AFF4: variants seen among roughly 807,000 people sequenced by gnomAD.
The protein encoded by AFF4 is AF4/FMR2 family member 4.
In AFF4, 13 loss-of-function variants were observed where a neutral mutation model predicts 124.8. The observed-to-expected ratio is 0.10, with a 90% CI of 0.07 to 0.17. The LOEUF (loss-of-function observed/expected upper bound fraction) is 0.17, where lower values mean the gene tolerates loss of function less well. AFF4 is among the 10% of genes least tolerant of loss of function. The probability of loss-of-function intolerance (pLI) is 1.00; values close to 1 mark genes in which losing one functional copy is unlikely to be tolerated. For synonymous variants in AFF4, 477 were observed against 496.1 expected (o/e 0.96, Z 0.51); for missense variants, 1,092 against 1,403.8 (o/e 0.78, Z 3.55).
At chr5:132,916,336 G>A (rs1330774070) in intron 5 of AFF4, among the ~76,000 whole-genome samples, 1 of 151,614 alleles carries the variant, frequency 6.6e-6, no homozygotes, top group Non-Finnish European at 1.5e-5. Flanking sequence ...GCTTAGACAG[G>A]AGGATTGCTT....
At chr5:132,960,750 A>G (rs1239995386) in intron 1 of AFF4, among the ~76,000 whole-genome samples, 1 of 152,194 alleles carries the variant, frequency 6.6e-6, no homozygotes. Flanking sequence ...TTCAAATTCA[A>G]TCTAGTAATT....
chr5:132,933,597 T>C (rs1761351116), intron 3 of AFF4, among the ~76,000 whole-genome samples: 1 of 152,222 alleles, frequency 6.6e-6, no homozygotes, highest in East Asian at 1.9e-4. Context: ...CAAAATGCTT[T>C]GGTAAGCAAT....
At chr5:132,958,819 T>G (rs1177594873) in intron 1 of AFF4, among the ~76,000 whole-genome samples, 1 of 152,100 alleles carries the variant, frequency 6.6e-6, no homozygotes, top group East Asian at 1.9e-4. Context: ...GGAGAGCTAT[T>G]AGGCCCAAAG....
chr5:132,893,443 G>A (rs950368007), intron 11 of AFF4, among the ~76,000 whole-genome samples: 2 of 152,118 alleles, frequency 1.3e-5, no homozygotes, highest in Admixed American at 1.3e-4. Context: ...CTTTAGAAGT[G>A]CACAATTCCA....
rs558743454 is a variant in AFF4 at position 132,949,082 on chromosome 5, G to A, written c.-4-11889C>T. Among the ~76,000 whole-genome samples, 21 of 152,000 alleles carry A rather than the reference G, an allele frequency of 1.4e-4. No individual in the cohort carries two copies. In the South Asian group the frequency reaches 3.3e-3, roughly 24 times the overall value. On this transcript the variant is annotated intron_variant, in intron 1 of 20. Transcript: ENST00000265343. ...TTATCAAAACATGGGACTCAGTGAC[G>A]GGTCTAAAAACTGCTACTAGACAAA...
intron 5 of AFF4, among the ~76,000 whole-genome samples, chr5:132,923,805 T>TA (rs1468293441): frequency 6.6e-6 from 1 of 152,248 alleles, no homozygotes; most frequent in Admixed American, 6.5e-5. Context: ...TTCTACTTTT[T>TA]ACTATGTGAC....
chr5:132,960,029 A>T (rs1762048620), intron 1 of AFF4, among the ~76,000 whole-genome samples: 1 of 152,138 alleles, frequency 6.6e-6, no homozygotes, highest in Admixed American at 6.6e-5. Flanking sequence ...TGCTGGGATT[A>T]CAGGCATAAG....
intron 9 of AFF4, 95 bp from the exon 10 acceptor site, chr5:132,898,487 TGTC>T: frequency 7.5e-7 from 1 of 1,329,850 alleles, no homozygotes. Flanking sequence ...TTTTTCTTCT[TGTC>T]TTTTTTTTTT....
chr5:132,951,758 C>T (rs1276268471), intron 1 of AFF4, among the ~76,000 whole-genome samples: 2 of 152,178 alleles, frequency 1.3e-5, no homozygotes, highest in Admixed American at 6.5e-5. Context: ...AAACTCCTGA[C>T]CTCAAGTGAT....
chr5:132,960,174 C>T (rs1370331768), intron 1 of AFF4, among the ~76,000 whole-genome samples: 2 of 152,104 alleles, frequency 1.3e-5, no homozygotes, highest in African/African-American at 4.8e-5. Context: ...CTAACACCCT[C>T]CCAGAAATCA....
chr5:132,918,247 GC>G (rs780633967), intron 5 of AFF4, among the ~76,000 whole-genome samples: 175 of 151,558 alleles, frequency 1.2e-3, no homozygotes, highest in Non-Finnish European at 2.0e-3. Context: ...ATAAAGATTA[GC>G]TGGGTGTGGT....
rs1762129531 is a variant in AFF4 at position 132,963,502 on chromosome 5, G to A, written c.-248C>T. 5.0e-6 allele frequency: 2 copies of A among 397,944 alleles called. No individual in the cohort carries two copies. Among genetic ancestry groups the A allele is most frequent in the African/African-American group, 4.1e-5 (2 of 48,688 alleles). The allele number at this position is 397,944 out of a possible 1,614,324, so 24.7% of individuals were successfully genotyped here. On this transcript the variant is annotated 5_prime_UTR_variant, in exon 1 of 21. Coordinates refer to ENST00000265343, the MANE Select transcript of AFF4 (RefSeq NM_014423.4). ...CGTAGGCCCCGCACCGCTCCATGACGGTCGGGCCCGGGCTGGGACAGCTGA... is the reference window on the plus strand; with the variant it reads ...CGTAGGCCCCGCACCGCTCCATGACAGTCGGGCCCGGGCTGGGACAGCTGA...
intron 5 of AFF4, among the ~76,000 whole-genome samples, chr5:132,914,911 C>T (rs915640213): frequency 1.3e-5 from 2 of 152,044 alleles, no homozygotes; most frequent in African/African-American, 4.8e-5. Context: ...ATATAAACAA[C>T]GAAAGATCAT....
At position 132,963,512 on chromosome 5, in the gene AFF4, G is replaced by A. The variant is rs956858133; in HGVS notation, c.-258C>T. On this transcript the variant is annotated 5_prime_UTR_variant, in exon 1 of 21. Transcript: ENST00000265343. ...GCACCGCTCCATGACGGTCGGGCCC[G>A]GGCTGGGACAGCTGACTGAGGCGGC... 2 of 397,848 alleles carry A rather than the reference G, an allele frequency of 5.0e-6. No individual in the cohort carries two copies. Among genetic ancestry groups the A allele is most frequent in the Admixed American group, 4.4e-5 (1 of 22,662 alleles). The allele number at this position is 397,848 out of a possible 1,614,324, so 24.6% of individuals were successfully genotyped here.
At chr5:132,915,300 C>T (rs1760884062) in intron 5 of AFF4, among the ~76,000 whole-genome samples, 4 of 151,954 alleles carry the variant, frequency 2.6e-5, no homozygotes, top group Admixed American at 2.6e-4. Context: ...GAGATCACAC[C>T]ACTGCACTCC....
chr5:132,940,672 T>C (rs1761546677), intron 1 of AFF4, among the ~76,000 whole-genome samples: 1 of 152,136 alleles, frequency 6.6e-6, no homozygotes, highest in Non-Finnish European at 1.5e-5. Context: ...TTTTAAACAA[T>C]CAAAGTCACA....
At chr5:132,961,760 A>G (rs1218890823) in intron 1 of AFF4, among the ~76,000 whole-genome samples, 1 of 152,158 alleles carries the variant, frequency 6.6e-6, no homozygotes, top group Non-Finnish European at 1.5e-5. Flanking sequence ...TTGAAGCAAA[A>G]TTTTATTTAA....
At chr5:132,907,395 G>C (rs1418778351) in intron 5 of AFF4, among the ~76,000 whole-genome samples, 2 of 152,108 alleles carry the variant, frequency 1.3e-5, no homozygotes, top group Non-Finnish European at 2.9e-5. Flanking sequence ...ACTTACTCAT[G>C]TATCAAAGTA....
chr5:132,916,610 C>T (rs1356732792), intron 5 of AFF4, among the ~76,000 whole-genome samples: 1 of 152,114 alleles, frequency 6.6e-6, no homozygotes, highest in South Asian at 2.1e-4. Context: ...GGTCTCAACT[C>T]CTTGGGAAGA....
Sources: gnomAD v4.1 joint callset for allele counts (sites outside exome capture counted in the v4.1 genomes callset) on GRCh38, gnomAD v4.1.1 for gene constraint, MANE v1.5 for transcripts, NCBI Gene and HGNC (gene_info 2026-07-23, HGNC 2026-07-21) for gene names.